SNED1: variants seen among roughly 807,000 people sequenced by gnomAD.
SNED1 encodes sushi, nidogen and EGF like domains 1.
A neutral mutation model predicts 166.7 loss-of-function variants in SNED1; 81 were observed. The ratio of observed to expected loss-of-function variants is 0.49; its 90% CI spans 0.41 to 0.58. SNED1 has a LOEUF of 0.58. SNED1 is among the 20% of genes least tolerant of loss of function. SNED1 has a pLI of 0.00. For missense variants in SNED1, 1,604 were observed against 2,000.2 expected (o/e 0.80, Z 3.78); for synonymous variants, 762 against 822.0 (o/e 0.93, Z 1.25).
rs1348686903 is a variant in SNED1 at position 241,051,529 on chromosome 2, A to G, written c.1736-215A>G. On this transcript the variant is annotated intron_variant, in intron 12 of 31. Transcript: ENST00000310397. This position sits in a 1 kb window ranked among gnomAD's most constrained non-coding sequence, Gnocchi z 4.7. ...AAGAGGACAGGCAAGCAAAGGGCCC[A>G]CCTGTGACTGAGTTGGGGTCTCCAG... 1 of 434,984 alleles carries G rather than the reference A, an allele frequency of 2.3e-6. No individual in the cohort carries two copies. The highest frequency in any genetic ancestry group is 2.0e-5 in the African/African-American group (1 of 49,416). 26.9% of individuals were successfully genotyped at this position (434,984 alleles called of 1,614,324 possible). A position where few individuals can be genotyped will look rare whatever the true frequency, so the allele number is the denominator to read the frequency against.
rs1182418823 is a variant in SNED1 at position 241,071,960 on chromosome 2, T to C, written c.3817+82T>C. 4 of 1,152,526 alleles carry C rather than the reference T, an allele frequency of 3.5e-6. No individual in the cohort carries two copies. In the East Asian group the frequency reaches 1.0e-4, roughly 30 times the overall value. The allele number at this position is 1,152,526 out of a possible 1,614,324, so 71.4% of individuals were successfully genotyped here. A position where few individuals can be genotyped will look rare whatever the true frequency, so the allele number is the denominator to read the frequency against. On this transcript the variant is annotated intron_variant, in intron 26 of 31. Coordinates refer to ENST00000310397, the MANE Select transcript of SNED1 (RefSeq NM_001080437.3). ...CTCTCACCAGGTCCTGTCCCCTACA[T>C]GATGAGCCCACCCCCACCGCCAGCG...
At chr2:241,078,550 T>C (rs920974187) in intron 27 of SNED1, among the ~76,000 whole-genome samples, 18 of 151,870 alleles carry the variant, frequency 1.2e-4, no homozygotes, top group African/African-American at 4.1e-4. Context: ...GAAGACTCTA[T>C]GTACTATGAT....
At chr2:241,029,148 G>A (rs2061079051) in intron 1 of SNED1, among the ~76,000 whole-genome samples, 1 of 152,248 alleles carries the variant, frequency 6.6e-6, no homozygotes, top group South Asian at 2.1e-4. Context: ...ACAGCGCAGA[G>A]CTGACCACTG....
chr2:241,087,463 A>C lies in SNED1; in HGVS notation c.4193A>C (p.Lys1398Thr), dbSNP rs1349267752. Residue 1398 changes from lysine to threonine, a missense_variant, in exon 30 of 32, where the codon AAG (lysine) becomes ACG (threonine). By Grantham distance (78) the Lys-to-Thr change is moderately conservative (BLOSUM62 -1). Coordinates refer to ENST00000310397, the MANE Select transcript of SNED1 (RefSeq NM_001080437.3). ...AGCTGTGAAAGCACAAGCCTCAAGA[A>C]GACCCCAAACAGGTGCCTCTGGGGA... ...KESCESTSLK[K>T]TPNRKQSKSQ... The C allele has an allele frequency of 6.2e-7, 1 of 1,602,752 alleles. No individual in the cohort carries two copies. The highest frequency in any genetic ancestry group is 1.7e-5 in the Admixed American group (1 of 58,502).
At chr2:241,038,053 T>C (rs1357413248) in intron 6 of SNED1, among the ~76,000 whole-genome samples, 1 of 148,568 alleles carries the variant, frequency 6.7e-6, no homozygotes, top group Non-Finnish European at 1.5e-5. Context: ...TTCACCCACC[T>C]GGTAAAGAAA....
intron 8 of SNED1, among the ~76,000 whole-genome samples, chr2:241,045,670 A>G (rs75451202): frequency 1.1e-3 from 162 of 151,976 alleles, no homozygotes; most frequent in African/African-American, 3.7e-3. Flanking sequence ...ATAGACCTAA[A>G]TGGAAAAACA....
At chr2:241,029,196 C>A (rs1044960197) in intron 1 of SNED1, among the ~76,000 whole-genome samples, 26 of 152,376 alleles carry the variant, frequency 1.7e-4, no homozygotes, top group African/African-American at 5.0e-4. Context: ...AGCACCCTGT[C>A]AGGTCAGAGC....
At chr2:241,011,265 A>AGGTCTCCTG (rs1162266774) in intron 1 of SNED1, among the ~76,000 whole-genome samples, 2 of 146,772 alleles carry the variant, frequency 1.4e-5, no homozygotes, top group African/African-American at 2.6e-5. Flanking sequence ...TGGGGGTGGC[A>AGGTCTCCTG]GGTCTCCTGG....
intron 1 of SNED1, among the ~76,000 whole-genome samples, chr2:241,002,763 C>T (rs1292554709): frequency 6.6e-6 from 1 of 152,210 alleles, no homozygotes; most frequent in East Asian, 1.9e-4. Flanking sequence ...CGTCCAGCTG[C>T]CTCTTACTGT....
intron 29 of SNED1, among the ~76,000 whole-genome samples, chr2:241,085,697 ATTTG>A (rs147128440): frequency 0.023 from 3,466 of 151,694 alleles, 119 homozygotes; most frequent in African/African-American, 0.077. Flanking sequence ...CTGACGCTGG[ATTTG>A]TTTGTTTGTT....
chr2:241,035,754 A>T (rs1242417035), intron 4 of SNED1: 8 of 9,386 alleles, frequency 8.5e-4, no homozygotes, highest in Non-Finnish European at 1.6e-3. Flanking sequence ...AGGGGTAGAG[A>T]GTGTGGGGGT....
chr2:241,081,787 G>A lies in SNED1; in HGVS notation c.4027G>A (p.Glu1343Lys), dbSNP rs1429491832. The A allele has an allele frequency of 1.9e-6, 3 of 1,584,128 alleles. No homozygotes were observed. Among genetic ancestry groups the A allele is most frequent in the Non-Finnish European group, 2.6e-6 (3 of 1,164,754 alleles). The change falls in exon 28 of 32, where the codon GAG becomes AAG. Residue 1343 changes from glutamate to lysine, a missense_variant. This residue lies in a region of SNED1 where 367 missense variants were observed against 379.4 expected (regional missense o/e 0.97). Coordinates refer to ENST00000310397, the MANE Select transcript of SNED1 (RefSeq NM_001080437.3). ...CGPGFKGRRC[E>K]LACIKVSRPC... ...GCCAGGGTTCAAAGGCAGACGCTGC[G>A]AGCTCGGTAAGTCGGGGCTTGGCCT...
intron 8 of SNED1, among the ~76,000 whole-genome samples, chr2:241,047,897 T>C (rs1169558054): frequency 6.6e-6 from 1 of 151,480 alleles, no homozygotes; most frequent in African/African-American, 2.4e-5. Flanking sequence ...CAATCCTGGG[T>C]GGTCTCTCCG....
At chr2:241,053,356 G>A (rs1422618192) in intron 16 of SNED1, 30 bp downstream of exon 16, 2 of 1,536,308 alleles carry the variant, frequency 1.3e-6, no homozygotes, top group Non-Finnish European at 8.8e-7. Context: ...GGGTGGGGCA[G>A]GTGGGGCCCA....
Position 241,040,147 on chromosome 2 carries a change from G to A in SNED1, c.1118G>A (p.Cys373Tyr). 6.2e-7 allele frequency: 1 copy of A among 1,602,596 alleles called. No homozygotes were observed. The highest frequency in any genetic ancestry group is 8.5e-7 in the Non-Finnish European group (1 of 1,174,664). ...CAGGTGGAGAATGGCTCTGCGGTGT[G>A]TGTGTGCCAGGCCGGATACACCGGA... The part of the protein sequence containing the change: ...QCQVENGSAV[C>Y]VCQAGYTGAA... The change falls in exon 7 of 32, where the codon TGT becomes TAT. Residue 373 changes from cysteine (C) to tyrosine (Y), a missense_variant. Physicochemically the swap from Cys to Tyr is radical, Grantham distance 194. This residue lies in a region of SNED1 where 1,237 missense variants were observed against 1,620.8 expected (regional missense o/e 0.76). Coordinates refer to ENST00000310397, the MANE Select transcript of SNED1 (RefSeq NM_001080437.3).
chr2:241,040,905 T>TC (rs565376117), intron 8 of SNED1: 13 of 458,810 alleles, frequency 2.8e-5, no homozygotes, highest in Non-Finnish European at 4.5e-5. Flanking sequence ...GTTAGAGGAA[T>TC]TAAAAGGCCA....
chr2:241,091,351 A>T lies in SNED1; in HGVS notation c.*2-287A>T, dbSNP rs1393441870. Among the ~76,000 whole-genome samples, 1 of 152,176 alleles carries T rather than the reference A, an allele frequency of 6.6e-6. No individual in the cohort carries two copies. Among genetic ancestry groups the T allele is most frequent in the African/African-American group, 2.4e-5 (1 of 41,410 alleles). ...AGGAACAGGCTGTGATTTCACATTTAAAAGTTGCAATGCTGAGCCCACATG... is the reference window on the plus strand; with the variant it reads ...AGGAACAGGCTGTGATTTCACATTTTAAAGTTGCAATGCTGAGCCCACATG... On this transcript the variant is annotated intron_variant, in intron 31 of 31. Transcript: ENST00000310397. The surrounding 1 kb of genome is among the most constrained non-coding windows in gnomAD (Gnocchi z 4.1).
intron 21 of SNED1, among the ~76,000 whole-genome samples, chr2:241,066,784 C>A (rs550212862): frequency 1.3e-5 from 2 of 152,262 alleles, no homozygotes; most frequent in African/African-American, 4.8e-5. Context: ...AGCCTCCTGG[C>A]CACACCTGGG....
chr2:241,031,407 C>T (rs765085798), intron 2 of SNED1, among the ~76,000 whole-genome samples: 1 of 152,182 alleles, frequency 6.6e-6, no homozygotes, highest in African/African-American at 2.4e-5. Context: ...TCAGGTGATC[C>T]GCCCACCTCG....
Sources: allele counts gnomAD v4.1 joint callset (sites outside exome capture counted in the v4.1 genomes callset), GRCh38; gene constraint gnomAD v4.1.1; regional missense constraint gnomAD v4.1.1; non-coding constraint Gnocchi (gnomAD v3.1); transcripts MANE v1.5; gene names NCBI Gene and HGNC (gene_info 2026-07-23, HGNC 2026-07-21).